Variants in CACNA2D4 observed in about 807,000 individuals in gnomAD.
CACNA2D4 encodes calcium voltage-gated channel auxiliary subunit alpha2delta 4, also known as voltage-dependent calcium channel subunit alpha-2/delta-4.
Under a neutral mutation model 163.8 loss-of-function variants are expected in CACNA2D4, and 157 were observed. The ratio of observed to expected loss-of-function variants is 0.96; its 90% confidence interval spans 0.84 to 1.09. The LOEUF is 1.09. Ranked by LOEUF, CACNA2D4 falls within the 50% of genes least tolerant of loss-of-function variation. The probability of loss-of-function intolerance (pLI) is 0.00; values close to 1 mark genes in which losing one functional copy is unlikely to be tolerated. For synonymous variants in CACNA2D4, 598 were observed against 586.9 expected (o/e 1.02, Z -0.27); for missense variants, 1,410 against 1,479.9 (o/e 0.95, Z 0.78).
At chr12:1,837,330 G>C (rs1025395195) in intron 26 of CACNA2D4, among the ~76,000 whole-genome samples, 1 of 152,162 alleles carries the variant, frequency 6.6e-6, no homozygotes, top group African/African-American at 2.4e-5. Flanking sequence ...CCTGTTCAGG[G>C]CTTACTCAGG....
intron 3 of CACNA2D4, among the ~76,000 whole-genome samples, chr12:1,910,982 A>G (rs1016481716): frequency 2.0e-5 from 3 of 151,404 alleles, no homozygotes; most frequent in Non-Finnish European, 4.4e-5. Flanking sequence ...TACACTTTAA[A>G]TGGTCAACTT....
intron 26 of CACNA2D4, among the ~76,000 whole-genome samples, chr12:1,830,741 C>T (rs2154447095): frequency 6.6e-6 from 1 of 152,278 alleles, no homozygotes; most frequent in East Asian, 1.9e-4. Flanking sequence ...TGTGTGATGT[C>T]CATTAATATG....
rs372942250 is a variant in CACNA2D4, at chr12:1,810,285, G to A, written c.2714C>T (p.Ser905Phe). The change falls in exon 29 of 38, where the codon TCC becomes TTC. Residue 905 changes from serine to phenylalanine, a missense_variant. Physicochemically the swap from Ser to Phe is radical, Grantham distance 155 (BLOSUM62 -2). Transcript: ENST00000382722. ...NNGFILISKR[S>F]RETGRFLGEV... ...ATATCCCCAGTGACTCACCTCTCGGGACCTCTTGGAGATCAGAATGAACCC... is the reference window on the plus strand; with the variant it reads ...ATATCCCCAGTGACTCACCTCTCGGAACCTCTTGGAGATCAGAATGAACCC... 97 of 1,613,286 alleles carry A rather than the reference G, an allele frequency of 6.0e-5. No individual in the cohort carries two copies. Among genetic ancestry groups the A allele is most frequent in the Non-Finnish European group, 8.1e-5 (95 of 1,179,388 alleles).
intron 27 of CACNA2D4, among the ~76,000 whole-genome samples, chr12:1,810,840 G>T (rs1477640196): frequency 6.6e-6 from 1 of 152,188 alleles, no homozygotes; most frequent in Admixed American, 6.5e-5. Context: ...GGGCACATGC[G>T]TGTGGTGTGT....
At chr12:1,849,591 GA>G (rs1379385665) in intron 23 of CACNA2D4, among the ~76,000 whole-genome samples, 1 of 152,120 alleles carries the variant, frequency 6.6e-6, no homozygotes, top group Non-Finnish European at 1.5e-5. Context: ...TTTGTTTTAT[GA>G]TTAGATAAAG....
chr12:1,862,972 GCTTT>G (rs1865557622), intron 18 of CACNA2D4, among the ~76,000 whole-genome samples: 1 of 152,160 alleles, frequency 6.6e-6, no homozygotes. Context: ...CATGTTTAGT[GCTTT>G]CTGTGTTTTT....
chr12:1,794,991 G>A (rs745720909), intron 37 of CACNA2D4: 95 of 541,832 alleles, frequency 1.8e-4, no homozygotes, highest in Non-Finnish European at 2.8e-4. Flanking sequence ...AAGGGTCTTA[G>A]AGGCACCTGT....
rs551110471 is a variant in CACNA2D4, at chr12:1,875,929, G to A, written c.1720-592C>T. The stretch of plus-strand genomic sequence containing the variant: ...CAGTGTGGCGTGGGCTGTGATCTGT[G>A]CACTAAGGCGTCAGGGGGCCCTGAC... On this transcript the variant is annotated intron_variant, in intron 16 of 37. Coordinates refer to ENST00000382722, the MANE Select transcript of CACNA2D4 (RefSeq NM_172364.5). This position sits in a 1 kb window ranked among gnomAD's most constrained non-coding sequence, Gnocchi z 4.0. Among the ~76,000 whole-genome samples the A allele has an allele frequency of 6.6e-6, 1 of 152,280 alleles. No homozygotes were observed. Among genetic ancestry groups the A allele is most frequent in the African/African-American group, 2.4e-5 (1 of 41,540 alleles).
At chr12:1,915,011 G>A (rs1866930885) in intron 1 of CACNA2D4, 76 bp from the exon 2 acceptor site, 2 of 1,070,120 alleles carry the variant, frequency 1.9e-6, no homozygotes, top group African/African-American at 1.5e-5. Context: ...TAGACATATG[G>A]GTTCACACAC....
chr12:1,827,016 G>A (rs1864360042), intron 26 of CACNA2D4, among the ~76,000 whole-genome samples: 1 of 152,242 alleles, frequency 6.6e-6, no homozygotes, highest in Non-Finnish European at 1.5e-5. Context: ...ATTACCCAGG[G>A]ACAAATCTGG....
rs1449878273 is a variant in CACNA2D4 at position 1,883,104 on chromosome 12, C to A, written c.1352-104G>T. ...GCTGCAGATGGCTCATAGCCGAATACTCTCTGGAAACTGGACCGGGGCACA... is the reference window on the plus strand; with the variant it reads ...GCTGCAGATGGCTCATAGCCGAATAATCTCTGGAAACTGGACCGGGGCACA... On this transcript the variant is annotated intron_variant, in intron 12 of 37. Coordinates refer to ENST00000382722, the MANE Select transcript of CACNA2D4 (RefSeq NM_172364.5). The surrounding 1 kb of genome is among the most constrained non-coding windows in gnomAD (Gnocchi z 4.5). The A allele has an allele frequency of 1.5e-6, 2 of 1,301,582 alleles. No individual in the cohort carries two copies. Among genetic ancestry groups the A allele is most frequent in the Non-Finnish European group, 2.1e-6 (2 of 950,524 alleles). The allele number at this position is 1,301,582 out of a possible 1,614,324, so 80.6% of individuals were successfully genotyped here. A position where few individuals can be genotyped will look rare whatever the true frequency, so the allele number is the denominator to read the frequency against.
chr12:1,842,328 A>G (rs1410636151), intron 25 of CACNA2D4, among the ~76,000 whole-genome samples: 1 of 152,216 alleles, frequency 6.6e-6, no homozygotes. Flanking sequence ...GTCGGGACTT[A>G]GCCCACCAGG....
chr12:1,807,282 G>A (rs534314890), intron 29 of CACNA2D4, among the ~76,000 whole-genome samples: 10 of 151,752 alleles, frequency 6.6e-5, no homozygotes, highest in Middle Eastern at 3.4e-3. Flanking sequence ...TGCTGCCAAC[G>A]TGTGACCAGA....
intron 36 of CACNA2D4, 142 bp from the exon 37 acceptor site, chr12:1,795,523 G>C (rs1199379435): frequency 1.0e-6 from 1 of 956,836 alleles, no homozygotes; most frequent in Non-Finnish European, 1.6e-6. Flanking sequence ...CGGGGCCCAG[G>C]GAAGGGTTAG....
intron 18 of CACNA2D4, among the ~76,000 whole-genome samples, chr12:1,866,150 G>A (rs1865647124): frequency 6.6e-6 from 1 of 152,148 alleles, no homozygotes; most frequent in African/African-American, 2.4e-5. Flanking sequence ...GTTTTTCATA[G>A]GTGCCTTTCA....
rs535189710 is a variant in CACNA2D4 at position 1,795,563 on chromosome 12, A to G, written c.3226+105T>C. 1,033 of 966,990 alleles carry G rather than the reference A, an allele frequency of 1.1e-3. 13 individuals carry two copies. In the East Asian group the frequency reaches 0.016, roughly 15 times the overall value. 59.9% of individuals were successfully genotyped at this position (966,990 alleles called of 1,614,324 possible). A position where few individuals can be genotyped will look rare whatever the true frequency, so the allele number is the denominator to read the frequency against. On this transcript the variant is annotated intron_variant, in intron 36 of 37. Coordinates refer to ENST00000382722, the MANE Select transcript of CACNA2D4 (RefSeq NM_172364.5). ...CAAATAACGGAGCCCTGTGGAGGAC[A>G]CGGGCGGTGAAGGAGGCTGGCCCCG...
rs1180776041 is a variant in CACNA2D4, at chr12:1,850,040, G to T, written c.2247-3351C>A. On this transcript the variant is annotated intron_variant, in intron 23 of 37. Coordinates refer to ENST00000382722, the MANE Select transcript of CACNA2D4 (RefSeq NM_172364.5). ...AAGGTGCTATAATGAGCAGCTCATA[G>T]GTACATTTTTTTCATATTTTTGCCA... is the stretch of plus-strand genomic sequence containing the variant. 2.0e-5 allele frequency among the ~76,000 whole-genome samples: 3 copies of T among 152,130 alleles called. No individual in the cohort carries two copies. The East Asian group carries it at 5.8e-4, about 29-fold the overall frequency.
At position 1,918,635 on chromosome 12, in the gene CACNA2D4, G is replaced by A. The variant is rs1040702782; in HGVS notation, c.-162C>T. ...AAGAGTCGCCCCACCTAGCAAGCAG[G>A]CCTCGGAGACAGGGACTGGGGGAGA... On this transcript the variant is annotated 5_prime_UTR_variant, in exon 1 of 38. Transcript: ENST00000382722. 2 of 586,930 alleles carry A rather than the reference G, an allele frequency of 3.4e-6. No individual in the cohort carries two copies. Among genetic ancestry groups the A allele is most frequent in the African/African-American group, 1.9e-5 (1 of 52,244 alleles). The allele number at this position is 586,930 out of a possible 1,614,324, so 36.4% of individuals were successfully genotyped here.
intron 6 of CACNA2D4, 91 bp downstream of exon 6, chr12:1,907,349 G>A (rs1490397786): frequency 7.9e-7 from 1 of 1,273,350 alleles, no homozygotes; most frequent in African/African-American, 1.5e-5. Context: ...CATTCACTGG[G>A]GACCTGAGTG....
Sources: gnomAD v4.1 joint callset for allele counts (sites outside exome capture counted in the v4.1 genomes callset) on GRCh38, gnomAD v4.1.1 for gene constraint, Gnocchi (gnomAD v3.1) non-coding constraint, MANE v1.5 for transcripts, NCBI Gene and HGNC (gene_info 2026-07-23, HGNC 2026-07-21) for gene names.